The following CRPPA variants were observed in gnomAD, a reference collection of about 807,000 sequenced individuals.
The protein encoded by CRPPA is CDP-L-ribitol pyrophosphorylase A.
Under a neutral mutation model 52.0 loss-of-function variants are expected in CRPPA, and 43 were observed. That is an observed-to-expected ratio of 0.83 (90% CI 0.65 to 1.07). CRPPA has a LOEUF of 1.07. Among genes scored for constraint, CRPPA ranks in the 50% least tolerant of loss-of-function variants. CRPPA has a pLI of 0.00. For missense variants in CRPPA, 629 were observed against 551.7 expected (o/e 1.14, Z -1.40); for synonymous variants, 250 against 203.5 (o/e 1.23, Z -1.94).
intron 3 of CRPPA, among the ~76,000 whole-genome samples, chr7:16,362,145 C>T (rs1786467745): frequency 6.6e-6 from 1 of 152,202 alleles, no homozygotes; most frequent in African/African-American, 2.4e-5. Flanking sequence ...TGAGCCACCG[C>T]GCTCGGCCTA....
intron 3 of CRPPA, among the ~76,000 whole-genome samples, chr7:16,359,537 A>G (rs1786388795): frequency 1.3e-5 from 2 of 152,124 alleles, no homozygotes; most frequent in African/African-American, 4.8e-5. Flanking sequence ...TCACTTCTCA[A>G]CTTCGTTCTA....
chr7:16,371,024 G>T (rs1786735085), intron 3 of CRPPA, among the ~76,000 whole-genome samples: 1 of 152,178 alleles, frequency 6.6e-6, no homozygotes, highest in South Asian at 2.1e-4. Flanking sequence ...CAGAACACTG[G>T]AACAGGAGTG....
intron 2 of CRPPA, among the ~76,000 whole-genome samples, chr7:16,384,095 G>T (rs1787192202): frequency 6.6e-6 from 1 of 152,138 alleles, no homozygotes; most frequent in Non-Finnish European, 1.5e-5. Context: ...CGTCACTCAG[G>T]CTGGGAGCTG....
intron 1 of CRPPA, among the ~76,000 whole-genome samples, chr7:16,409,955 C>A (rs960897471): frequency 6.6e-6 from 1 of 152,160 alleles, no homozygotes; most frequent in African/African-American, 2.4e-5. Context: ...AATGACTAGT[C>A]AGTCTCATCT....
intron 9 of CRPPA, among the ~76,000 whole-genome samples, chr7:16,162,496 T>C (rs1464910868): frequency 6.6e-6 from 1 of 152,178 alleles, no homozygotes; most frequent in Non-Finnish European, 1.5e-5. Context: ...TTTGAGTGAG[T>C]TTCTTAATCC....
chr7:16,172,177 A>T (rs749439906), intron 9 of CRPPA, among the ~76,000 whole-genome samples: 20 of 152,204 alleles, frequency 1.3e-4, no homozygotes, highest in Non-Finnish European at 2.6e-4. Flanking sequence ...TAGATAAGGC[A>T]GTAGAGACAC....
chr7:16,137,152 G>A (rs1366474211), intron 9 of CRPPA, among the ~76,000 whole-genome samples: 1 of 152,182 alleles, frequency 6.6e-6, no homozygotes, highest in Non-Finnish European at 1.5e-5. Flanking sequence ...AGGTTATAAG[G>A]GTAGAGACTT....
Position 16,415,374 on chromosome 7 carries a change from A to T in CRPPA, c.257+5692T>A, listed in dbSNP as rs1180940377. Among the ~76,000 whole-genome samples, 10 of 152,172 alleles carry T rather than the reference A, an allele frequency of 6.6e-5. 1 individual carries two copies. The highest frequency in any genetic ancestry group is 6.5e-4 in the Admixed American group (10 of 15,284). Reference sequence around the variant, plus strand: ...CAGGCACTAAGGATCTCACTGTATCAAAATGTAGTCTCTCTTAATTTCCCC... The same window carrying T: ...CAGGCACTAAGGATCTCACTGTATCTAAATGTAGTCTCTCTTAATTTCCCC... On this transcript the variant is annotated intron_variant, in intron 1 of 9. Coordinates refer to ENST00000407010, the MANE Select transcript of CRPPA (RefSeq NM_001101426.4).
At chr7:16,305,584 G>A (rs977506069) in intron 4 of CRPPA, among the ~76,000 whole-genome samples, 7 of 150,034 alleles carry the variant, frequency 4.7e-5, no homozygotes, top group African/African-American at 1.8e-4. Context: ...AAATTTGGCT[G>A]GGCGTGGTGG....
chr7:16,273,042 G>A (rs543653005), intron 6 of CRPPA, among the ~76,000 whole-genome samples: 4 of 150,864 alleles, frequency 2.7e-5, no homozygotes, highest in Non-Finnish European at 4.4e-5. Flanking sequence ...GTATACATGT[G>A]CCATGCTGGG....
chr7:16,418,263 T>C (rs75653902), intron 1 of CRPPA, among the ~76,000 whole-genome samples: 3,981 of 152,280 alleles, frequency 0.026, 71 homozygotes, highest in East Asian at 0.13. Flanking sequence ...ATAATAGTGA[T>C]AAAAATGAGC....
At chr7:16,176,199 A>C (rs1371729173) in intron 9 of CRPPA, among the ~76,000 whole-genome samples, 1 of 152,188 alleles carries the variant, frequency 6.6e-6, no homozygotes, top group Non-Finnish European at 1.5e-5. Flanking sequence ...TATCTTCTTC[A>C]GTAATAAAAA....
Position 16,231,611 on chromosome 7 carries a change from CACA to C in CRPPA, c.1120-15417_1120-15415del, listed in dbSNP as rs780166391. 9.9e-3 allele frequency among the ~76,000 whole-genome samples: 1,506 copies of C among 152,260 alleles called. 46 individuals carry two copies. In the East Asian group the frequency reaches 0.13, roughly 13 times the overall value. ...ATTAGATCTTGAACAGGCAAAATTA[CACA>C]GTCTAAGCTAAAACAGACTGAACTT... On this transcript the variant is annotated intron_variant, in intron 8 of 9. Coordinates refer to ENST00000407010, the MANE Select transcript of CRPPA (RefSeq NM_001101426.4).
intron 5 of CRPPA, among the ~76,000 whole-genome samples, chr7:16,281,369 A>T (rs1409854605): frequency 1.3e-5 from 2 of 152,186 alleles, no homozygotes; most frequent in African/African-American, 2.4e-5. Context: ...ATTTTGATAC[A>T]GACCTTGTAT....
chr7:16,118,160 A>G (rs1204392812), intron 9 of CRPPA, among the ~76,000 whole-genome samples: 2 of 152,030 alleles, frequency 1.3e-5, no homozygotes, highest in African/African-American at 4.8e-5. Flanking sequence ...TTCTATATCA[A>G]CTCTTCATGA....
chr7:16,397,447 A>G (rs1431767565), intron 2 of CRPPA, among the ~76,000 whole-genome samples: 1 of 152,174 alleles, frequency 6.6e-6, no homozygotes, highest in Admixed American at 6.5e-5. Context: ...GTGATGTAAC[A>G]GACGTGACAC....
At position 16,253,897 on chromosome 7, in the gene CRPPA, A is replaced by C. The variant is rs561114404; in HGVS notation, c.1119+4493T>G. ...AAGTTAAACAAATTTACAAGAAAAA[A>C]ACAAACAACCCCATCAAAAAGTGGG... is the stretch of plus-strand genomic sequence containing the variant. On this transcript the variant is annotated intron_variant, in intron 8 of 9. Coordinates refer to ENST00000407010, the MANE Select transcript of CRPPA (RefSeq NM_001101426.4). 3.0e-4 allele frequency among the ~76,000 whole-genome samples: 45 copies of C among 152,280 alleles called. No individual in the cohort carries two copies. In the South Asian group the frequency reaches 9.1e-3, roughly 31 times the overall value.
intron 9 of CRPPA, among the ~76,000 whole-genome samples, chr7:16,194,139 A>C (rs1295595817): frequency 6.6e-6 from 1 of 152,164 alleles, no homozygotes; most frequent in Non-Finnish European, 1.5e-5. Context: ...CTTTTAAATC[A>C]CATGAAGATT....
intron 9 of CRPPA, among the ~76,000 whole-genome samples, chr7:16,114,730 A>G (rs1782335098): frequency 6.6e-6 from 1 of 152,036 alleles, no homozygotes; most frequent in Non-Finnish European, 1.5e-5. Context: ...CTGAAATATG[A>G]AAGACAACCA....
Sources: allele counts gnomAD v4.1 joint callset (sites outside exome capture counted in the v4.1 genomes callset), GRCh38; gene constraint gnomAD v4.1.1; transcripts MANE v1.5; gene names NCBI Gene and HGNC (gene_info 2026-07-23, HGNC 2026-07-21).